PTPRM: variants seen among roughly 807,000 people sequenced by gnomAD.
The protein encoded by PTPRM is protein tyrosine phosphatase receptor type M.
Under a neutral mutation model 186.7 loss-of-function variants are expected in PTPRM, and 47 were observed. The ratio of observed to expected loss-of-function variants is 0.25; its 90% CI spans 0.20 to 0.32. The LOEUF (loss-of-function observed/expected upper bound fraction) is 0.32, where lower values mean the gene tolerates loss of function less well. Ranked by LOEUF, PTPRM falls within the 10% of genes least tolerant of loss-of-function variation. PTPRM has a pLI of 1.00. For synonymous variants in PTPRM, 668 were observed against 674.9 expected (o/e 0.99, Z 0.16); for missense variants, 1,494 against 1,865.0 (o/e 0.80, Z 3.66).
intron 1 of PTPRM, among the ~76,000 whole-genome samples, chr18:7,716,140 A>G (rs1466480301): frequency 2.0e-5 from 3 of 152,218 alleles, no homozygotes; most frequent in African/African-American, 7.2e-5. Context: ...CCAAAACAGC[A>G]TGGTTCTGGT....
intron 15 of PTPRM, among the ~76,000 whole-genome samples, chr18:8,245,268 C>A (rs941780217): frequency 6.6e-6 from 1 of 152,074 alleles, no homozygotes; most frequent in Non-Finnish European, 1.5e-5. Flanking sequence ...CGAATTCAGT[C>A]TTACATTTTT....
At chr18:7,972,506 T>A (rs1235830625) in intron 7 of PTPRM, among the ~76,000 whole-genome samples, 4 of 84,574 alleles carry the variant, frequency 4.7e-5, no homozygotes, top group Non-Finnish European at 7.1e-5. Flanking sequence ...GAGAGAAACA[T>A]GGAATAGAAA....
intron 7 of PTPRM, among the ~76,000 whole-genome samples, chr18:8,001,739 C>G (rs1481885093): frequency 6.6e-6 from 1 of 152,262 alleles, no homozygotes; most frequent in Middle Eastern, 3.4e-3. Context: ...GATAGTTTTT[C>G]TTTGCTGAGC....
chr18:8,287,247 G>T (rs1347719780), intron 19 of PTPRM, among the ~76,000 whole-genome samples: 1 of 152,196 alleles, frequency 6.6e-6, no homozygotes, highest in Non-Finnish European at 1.5e-5. Flanking sequence ...AGTCAAGTCA[G>T]TAAGGATGTA....
intron 1 of PTPRM, among the ~76,000 whole-genome samples, chr18:7,592,170 T>C (rs1262626377): frequency 6.6e-6 from 1 of 152,136 alleles, no homozygotes; most frequent in Non-Finnish European, 1.5e-5. Flanking sequence ...CCATAAGCAG[T>C]CAGACTTGTT....
At chr18:8,056,398 G>T (rs948042556) in intron 7 of PTPRM, among the ~76,000 whole-genome samples, 2 of 152,196 alleles carry the variant, frequency 1.3e-5, no homozygotes, top group African/African-American at 4.8e-5. Flanking sequence ...GGAGGCCGAG[G>T]CAGGTGGATC....
chr18:7,981,145 C>T lies in PTPRM; in HGVS notation c.1132+25731C>T, dbSNP rs112772211. 9.3e-3 allele frequency among the ~76,000 whole-genome samples: 1,421 copies of T among 152,286 alleles called. 14 individuals are homozygous for T. Among genetic ancestry groups the T allele is most frequent in the Non-Finnish European group, 0.013 (864 of 68,002 alleles). On this transcript the variant is annotated intron_variant, in intron 7 of 32. Coordinates refer to ENST00000580170, the MANE Select transcript of PTPRM (RefSeq NM_001105244.2). ...CACCTCCTCTCCCGCTGGTTTTCTA[C>T]TACTCCTACCTCTCTGCCCCCCGCC...
chr18:8,037,835 C>T (rs550990970), intron 7 of PTPRM, among the ~76,000 whole-genome samples: 1 of 152,204 alleles, frequency 6.6e-6, no homozygotes, highest in Non-Finnish European at 1.5e-5. Context: ...ACCCAAAAAG[C>T]ATATGGAAGG....
intron 23 of PTPRM, among the ~76,000 whole-genome samples, chr18:8,346,552 G>A (rs1202139743): frequency 6.6e-6 from 1 of 152,152 alleles, no homozygotes; most frequent in Non-Finnish European, 1.5e-5. Context: ...GGGGTTTAGG[G>A]CTTCACCATT....
chr18:8,269,668 T>C (rs1433489271), intron 19 of PTPRM, among the ~76,000 whole-genome samples: 1 of 151,994 alleles, frequency 6.6e-6, no homozygotes, highest in African/African-American at 2.4e-5. Context: ...ATTAGTATGA[T>C]CCTAGCATAA....
intron 2 of PTPRM, among the ~76,000 whole-genome samples, chr18:7,873,963 C>T (rs2048102334): frequency 6.6e-6 from 1 of 151,848 alleles, no homozygotes; most frequent in Non-Finnish European, 1.5e-5. Context: ...ATTGGATGTT[C>T]TTTGTCGTAG....
intron 7 of PTPRM, among the ~76,000 whole-genome samples, chr18:7,962,316 G>A (rs547876493): frequency 2.0e-5 from 3 of 152,270 alleles, no homozygotes; most frequent in South Asian, 4.2e-4. Context: ...ATAAACAAAG[G>A]ATTAGTGTTC....
intron 23 of PTPRM, among the ~76,000 whole-genome samples, chr18:8,367,525 G>T (rs1438400600): frequency 6.6e-6 from 1 of 152,258 alleles, no homozygotes; most frequent in East Asian, 1.9e-4. Context: ...TTCCGCGGAA[G>T]CGCGGCCAAA....
At chr18:7,942,012 G>A (rs953120162) in intron 5 of PTPRM, among the ~76,000 whole-genome samples, 1 of 152,156 alleles carries the variant, frequency 6.6e-6, no homozygotes, top group African/African-American at 2.4e-5. Flanking sequence ...ATGGCTGGGT[G>A]CGATGGCTCA....
chr18:8,372,718 T>A (rs1298759481), intron 24 of PTPRM, among the ~76,000 whole-genome samples: 1 of 69,698 alleles, frequency 1.4e-5, no homozygotes, highest in Non-Finnish European at 2.7e-5. Context: ...TTAGGCAGAA[T>A]TGGAAAAAAA....
At chr18:7,987,510 A>T (rs1472231073) in intron 7 of PTPRM, among the ~76,000 whole-genome samples, 1 of 152,122 alleles carries the variant, frequency 6.6e-6, no homozygotes, top group Non-Finnish European at 1.5e-5. Flanking sequence ...CTGTCATTCC[A>T]CTAGGTCCAT....
intron 7 of PTPRM, among the ~76,000 whole-genome samples, chr18:8,005,636 T>C (rs1020407282): frequency 6.6e-6 from 1 of 152,154 alleles, no homozygotes; most frequent in Admixed American, 6.5e-5. Flanking sequence ...CCTCCAGCAG[T>C]ATTTTTCTTT....
At chr18:8,341,413 G>T (rs943785271) in intron 22 of PTPRM, among the ~76,000 whole-genome samples, 1 of 152,152 alleles carries the variant, frequency 6.6e-6, no homozygotes, top group Non-Finnish European at 1.5e-5. Context: ...GTTCCCCTCC[G>T]GGAGGGGTCT....
At chr18:8,171,478 A>T (rs915464447) in intron 14 of PTPRM, among the ~76,000 whole-genome samples, 2 of 152,218 alleles carry the variant, frequency 1.3e-5, no homozygotes, top group Non-Finnish European at 2.9e-5. Flanking sequence ...GTCACTCTGT[A>T]AACAGCTTGG....
Sources: allele counts gnomAD v4.1 joint callset (sites outside exome capture counted in the v4.1 genomes callset), GRCh38; gene constraint gnomAD v4.1.1; transcripts MANE v1.5; gene names NCBI Gene and HGNC (gene_info 2026-07-23, HGNC 2026-07-21).